Variants in SRBD1 observed in about 807,000 individuals in gnomAD.
The protein encoded by SRBD1 is S1 RNA-binding domain-containing protein 1.
Under a neutral mutation model 115.3 loss-of-function variants are expected in SRBD1, and 88 were observed. That is an observed-to-expected ratio of 0.76 (90% CI 0.64 to 0.91). The LOEUF (loss-of-function observed/expected upper bound fraction) is 0.91, where lower values mean the gene tolerates loss of function less well. SRBD1 is among the 40% of genes least tolerant of loss of function. The pLI, the probability that SRBD1 is intolerant of heterozygous loss-of-function variation, is 0.00. For missense variants in SRBD1, 1,385 were observed against 1,177.4 expected (o/e 1.18, Z -2.58); for synonymous variants, 509 against 407.7 (o/e 1.25, Z -2.99).
intron 10 of SRBD1, 128 bp from the exon 11 acceptor site, chr2:45,553,858 T>G: frequency 2.1e-6 from 1 of 478,136 alleles, no homozygotes; most frequent in South Asian, 4.5e-5. Flanking sequence ...AGTAACATAA[T>G]CTGTGAGGAA....
chr2:45,605,658 C>G (rs1674245078), intron 1 of SRBD1, among the ~76,000 whole-genome samples: 1 of 152,194 alleles, frequency 6.6e-6, no homozygotes, highest in Non-Finnish European at 1.5e-5. Flanking sequence ...AATCCCAGCA[C>G]TTTGGGAGGC....
chr2:45,510,939 A>C (rs535289489), intron 14 of SRBD1, among the ~76,000 whole-genome samples: 5 of 152,348 alleles, frequency 3.3e-5, no homozygotes, highest in African/African-American at 1.2e-4. Flanking sequence ...ACAAAGAAAA[A>C]AAGAGAAGCA....
intron 14 of SRBD1, among the ~76,000 whole-genome samples, chr2:45,531,009 G>C (rs1288992062): frequency 6.7e-6 from 1 of 148,656 alleles, no homozygotes; most frequent in Non-Finnish European, 1.5e-5. Flanking sequence ...AGAATCAATT[G>C]TCAAATAATT....
intron 1 of SRBD1, among the ~76,000 whole-genome samples, chr2:45,606,310 C>T (rs964561713): frequency 2.4e-4 from 36 of 152,058 alleles, no homozygotes; most frequent in African/African-American, 8.7e-4. Context: ...CAGGCATGCG[C>T]CAACACACCC....
chr2:45,482,562 TA>T (rs1669997606), intron 15 of SRBD1, among the ~76,000 whole-genome samples: 1 of 149,416 alleles, frequency 6.7e-6, no homozygotes, highest in African/African-American at 2.5e-5. Context: ...TAAAATGTAA[TA>T]AAAACAATAA....
In SRBD1 at chr2:45,423,403, T is replaced by C. The variant is rs545584575; in HGVS notation, c.2050-3509A>G. 1.2e-3 allele frequency among the ~76,000 whole-genome samples: 185 copies of C among 152,284 alleles called. 1 individual carries two copies. The highest frequency in any genetic ancestry group is 4.3e-3 in the African/African-American group (180 of 41,568). ...AATTAAATCAGATGTGTTTACACAATGCAAAAACACATTATTGTTCCATAT... is the reference window on the plus strand; with the variant it reads ...AATTAAATCAGATGTGTTTACACAACGCAAAAACACATTATTGTTCCATAT... On this transcript the variant is annotated intron_variant, in intron 16 of 20. Coordinates refer to ENST00000263736, the MANE Select transcript of SRBD1 (RefSeq NM_018079.5).
chr2:45,456,838 A>T (rs1348855652), intron 16 of SRBD1, among the ~76,000 whole-genome samples: 1 of 151,934 alleles, frequency 6.6e-6, no homozygotes, highest in Non-Finnish European at 1.5e-5. Context: ...GTAAAAGCAA[A>T]CAACGTAACT....
intron 15 of SRBD1, among the ~76,000 whole-genome samples, chr2:45,479,503 C>T (rs925999530): frequency 2.0e-5 from 3 of 152,174 alleles, no homozygotes; most frequent in Non-Finnish European, 4.4e-5. Context: ...AAACCAGCCA[C>T]AACATTCCCT....
chr2:45,572,045 T>A (rs1047401601), intron 9 of SRBD1, among the ~76,000 whole-genome samples: 25 of 151,972 alleles, frequency 1.6e-4, no homozygotes, highest in African/African-American at 5.8e-4. Flanking sequence ...AAACTCCAAG[T>A]AGGATAAACT....
chr2:45,463,522 C>T (rs958017340), intron 16 of SRBD1, among the ~76,000 whole-genome samples: 1 of 152,112 alleles, frequency 6.6e-6, no homozygotes, highest in Admixed American at 6.6e-5. Flanking sequence ...AAGTGGCCCC[C>T]CATAGTGCTT....
intron 4 of SRBD1, among the ~76,000 whole-genome samples, chr2:45,596,319 C>G (rs12994349): frequency 0.1 from 15,909 of 152,234 alleles, 873 homozygotes; most frequent in Middle Eastern, 0.14. Context: ...TTCCAAAAGG[C>G]TTTGTTTAGC....
intron 16 of SRBD1, among the ~76,000 whole-genome samples, chr2:45,462,629 T>C (rs1193998130): frequency 1.3e-5 from 2 of 148,796 alleles, no homozygotes; most frequent in African/African-American, 2.5e-5. Context: ...CTGGCCAACA[T>C]GGTGAAACCC....
intron 16 of SRBD1, among the ~76,000 whole-genome samples, chr2:45,463,541 T>C (rs1394112095): frequency 6.6e-5 from 10 of 152,206 alleles, no homozygotes; most frequent in East Asian, 1.9e-4. Flanking sequence ...TTCCACATTT[T>C]ATTTCTCTTC....
rs111793884 is a variant in SRBD1 at position 45,588,372 on chromosome 2, G to A, written c.649-2598C>T. ...AAGGCCAGTTACTTTGCTCTTAAGAGGCCTTCATGAGGCTCCTCCCTCTTT... is the reference window on the plus strand; with the variant it reads ...AAGGCCAGTTACTTTGCTCTTAAGAAGCCTTCATGAGGCTCCTCCCTCTTT... On this transcript the variant is annotated intron_variant, in intron 4 of 20. Transcript: ENST00000263736. 7.3e-3 allele frequency among the ~76,000 whole-genome samples: 1,117 copies of A among 152,248 alleles called. 15 individuals carry two copies. Among genetic ancestry groups the A allele is most frequent in the African/African-American group, 0.026 (1,068 of 41,528 alleles).
chr2:45,451,363 T>C (rs1000219116), intron 16 of SRBD1, among the ~76,000 whole-genome samples: 18 of 152,198 alleles, frequency 1.2e-4, no homozygotes, highest in African/African-American at 4.3e-4. Flanking sequence ...TATTTCGCTT[T>C]TCAGAATACC....
chr2:45,399,523 A>C (rs144057007), intron 19 of SRBD1, among the ~76,000 whole-genome samples: 20 of 152,270 alleles, frequency 1.3e-4, no homozygotes, highest in African/African-American at 4.6e-4. Context: ...AAAATCTCAG[A>C]GAGATTAAGA....
chr2:45,454,802 CATT>C (rs1384025787), intron 16 of SRBD1, among the ~76,000 whole-genome samples: 3 of 151,788 alleles, frequency 2.0e-5, no homozygotes, highest in Non-Finnish European at 4.4e-5. Context: ...TATATCTTAA[CATT>C]ATAAATTTTT....
chr2:45,540,593 G>C (rs754827583), intron 14 of SRBD1, among the ~76,000 whole-genome samples: 42 of 152,240 alleles, frequency 2.8e-4, no homozygotes, highest in Non-Finnish European at 5.6e-4. Flanking sequence ...AAAAGTCACA[G>C]ACTGGGAAAA....
In SRBD1 at chr2:45,541,981, G is replaced by A. The variant is rs73927530; in HGVS notation, c.1874+4751C>T. On this transcript the variant is annotated intron_variant, in intron 14 of 20. Coordinates refer to ENST00000263736, the MANE Select transcript of SRBD1 (RefSeq NM_018079.5). ...TGGCAACCTGGCCTCCAGACTTCAC[G>A]TAGGCCCTGGCTTGGAGGTGGGGGT... Among the ~76,000 whole-genome samples, 210 of 152,342 alleles carry A rather than the reference G, an allele frequency of 1.4e-3. 1 individual carries two copies. Among genetic ancestry groups the A allele is most frequent in the African/African-American group, 4.4e-3 (185 of 41,596 alleles).
Sources: allele counts gnomAD v4.1 joint callset (sites outside exome capture counted in the v4.1 genomes callset), GRCh38; gene constraint gnomAD v4.1.1; transcripts MANE v1.5; gene names NCBI Gene and HGNC (gene_info 2026-07-23, HGNC 2026-07-21).